The following MALRD1 variants were observed in gnomAD, a reference collection of about 807,000 sequenced individuals.
MALRD1 encodes the protein MAM and LDL-receptor class A domain-containing protein 1.
A neutral mutation model predicts 242.1 loss-of-function variants in MALRD1; 247 were observed. That is an observed-to-expected ratio of 1.02 (90% CI 0.92 to 1.13). The LOEUF is 1.13. Ranked by LOEUF, MALRD1 falls within the 50% of genes most tolerant of loss-of-function variation. The pLI is 0.00. For synonymous variants in MALRD1, 995 were observed against 866.6 expected (o/e 1.15, Z -2.60); for missense variants, 2,989 against 2,533.1 (o/e 1.18, Z -3.86).
chr10:19,630,001 A>G (rs1464233151), intron 36 of MALRD1, among the ~76,000 whole-genome samples: 6 of 152,204 alleles, frequency 3.9e-5, no homozygotes, highest in Non-Finnish European at 7.3e-5. Flanking sequence ...TGACAGATCT[A>G]AGTAGTTCAA....
intron 36 of MALRD1, among the ~76,000 whole-genome samples, chr10:19,675,482 G>A (rs142178497): frequency 3.0e-3 from 452 of 152,224 alleles, no homozygotes; most frequent in African/African-American, 1.0e-2. Flanking sequence ...CCAGACCAGC[G>A]GAGGCAGCAT....
At chr10:19,271,580 G>A (rs958341126) in intron 19 of MALRD1, among the ~76,000 whole-genome samples, 2 of 152,200 alleles carry the variant, frequency 1.3e-5, no homozygotes, top group African/African-American at 2.4e-5. Context: ...TGGCTAACAC[G>A]GTGAAACCCC....
rs974138832 is a variant in MALRD1, at chr10:19,123,556, T to A, written c.759T>A (p.Asp253Glu). Residue 253 changes from aspartate to glutamate, a missense_variant, in exon 6 of 40, where the codon GAT (aspartate) becomes GAA (glutamate). Asp to Glu is a conservative substitution (Grantham distance 45, BLOSUM62 2). Transcript: ENST00000454679. ...GGGAGCTATGCCATCCAGATACAGATCTCTGCAGATTTGATGCTACAGATG... is the reference window on the plus strand; with the variant it reads ...GGGAGCTATGCCATCCAGATACAGAACTCTGCAGATTTGATGCTACAGATG... ...AERELCHPDTDLCRFDATDEE... is the reference protein window; with the variant it reads ...AERELCHPDTELCRFDATDEE... The A allele has an allele frequency of 1.6e-6, 2 of 1,233,638 alleles. No individual in the cohort carries two copies. The highest frequency in any genetic ancestry group is 2.0e-6 in the Non-Finnish European group (2 of 988,018). 76.4% of individuals were successfully genotyped at this position (1,233,638 alleles called of 1,614,324 possible).
chr10:19,497,056 A>C (rs1293075803), intron 30 of MALRD1, among the ~76,000 whole-genome samples: 1 of 152,308 alleles, frequency 6.6e-6, no homozygotes, highest in South Asian at 2.1e-4. Context: ...AAAGCGGGAC[A>C]GGAGGTACAA....
chr10:19,547,813 T>TAC (rs1835296179), intron 32 of MALRD1, among the ~76,000 whole-genome samples: 1 of 16,498 alleles, frequency 6.1e-5, no homozygotes, highest in African/African-American at 2.0e-4. Flanking sequence ...TATATATATA[T>TAC]ATATATTTTT....
At chr10:19,198,832 T>C (rs941958770) in intron 14 of MALRD1, among the ~76,000 whole-genome samples, 2 of 152,228 alleles carry the variant, frequency 1.3e-5, no homozygotes, top group African/African-American at 4.8e-5. Flanking sequence ...AATAATTTTA[T>C]GGTACTTTTG....
intron 13 of MALRD1, among the ~76,000 whole-genome samples, chr10:19,172,071 A>G (rs1161614624): frequency 2.0e-5 from 2 of 99,338 alleles, no homozygotes; most frequent in Non-Finnish European, 4.1e-5. Context: ...TATGTGATAT[A>G]TATCATATAT....
In MALRD1 at chr10:19,446,758, C is replaced by G. The variant is rs183125873; in HGVS notation, c.4846-3549C>G. ...GAAAATAATTCTTCAATATCTCTAA[C>G]CATTTTTGTATTAGTGTCTATTTTT... is the stretch of plus-strand genomic sequence containing the variant. On this transcript the variant is annotated intron_variant, in intron 28 of 39. Coordinates refer to ENST00000454679, the MANE Select transcript of MALRD1 (RefSeq NM_001142308.3). 9.8e-4 allele frequency among the ~76,000 whole-genome samples: 149 copies of G among 152,136 alleles called. 1 individual carries two copies. The highest frequency in any genetic ancestry group is 1.7e-3 in the South Asian group (8 of 4,820).
At chr10:19,484,490 T>C (rs1349656202) in intron 29 of MALRD1, among the ~76,000 whole-genome samples, 3 of 152,178 alleles carry the variant, frequency 2.0e-5, no homozygotes, top group Non-Finnish European at 2.9e-5. Flanking sequence ...TAAGGAGTAT[T>C]ATTTGCAGAA....
intron 10 of MALRD1, among the ~76,000 whole-genome samples, chr10:19,140,652 G>A (rs929506796): frequency 2.6e-5 from 4 of 151,962 alleles, no homozygotes; most frequent in Non-Finnish European, 1.5e-5. Flanking sequence ...ACAATGATGA[G>A]CGTGGAGGGG....
intron 5 of MALRD1, among the ~76,000 whole-genome samples, chr10:19,108,664 G>T (rs555662147): frequency 3.7e-5 from 1 of 26,752 alleles, no homozygotes; most frequent in East Asian, 9.0e-4. Context: ...TGATCCACCC[G>T]CCTCGGCCTC....
intron 8 of MALRD1, among the ~76,000 whole-genome samples, chr10:19,130,381 C>G (rs541277816): frequency 6.6e-6 from 1 of 152,206 alleles, no homozygotes; most frequent in East Asian, 1.9e-4. Flanking sequence ...ATTTCCAACT[C>G]CTTCTTCAAT....
At chr10:19,662,663 T>C (rs1841497282) in intron 36 of MALRD1, among the ~76,000 whole-genome samples, 2 of 152,300 alleles carry the variant, frequency 1.3e-5, no homozygotes, top group Non-Finnish European at 2.9e-5. Context: ...TTTTTAAATT[T>C]TCAACTGCTC....
chr10:19,666,524 C>T (rs1214890771), intron 36 of MALRD1, among the ~76,000 whole-genome samples: 2 of 152,168 alleles, frequency 1.3e-5, no homozygotes, highest in East Asian at 3.8e-4. Context: ...CATAATTTTC[C>T]TCATCTTCCT....
At chr10:19,598,522 T>A (rs555007678) in intron 34 of MALRD1, 4 of 151,052 alleles carry the variant, frequency 2.6e-5, no homozygotes, top group African/African-American at 9.7e-5. Flanking sequence ...GGACATCAGG[T>A]CAGCTCATGT....
At chr10:19,689,711 A>G (rs942883916) in intron 36 of MALRD1, among the ~76,000 whole-genome samples, 1 of 152,172 alleles carries the variant, frequency 6.6e-6, no homozygotes, top group Non-Finnish European at 1.5e-5. Flanking sequence ...GTTTCTTCTC[A>G]AAGTTATCCA....
In MALRD1 at chr10:19,136,617, C is replaced by A. The variant is rs1192820910; in HGVS notation, c.1247C>A (p.Ala416Asp). 1 of 1,231,478 alleles carries A rather than the reference C, an allele frequency of 8.1e-7. No individual in the cohort carries two copies. Among genetic ancestry groups the A allele is most frequent in the Non-Finnish European group, 1.0e-6 (1 of 987,934 alleles). 76.3% of individuals were successfully genotyped at this position (1,231,478 alleles called of 1,614,324 possible). A position where few individuals can be genotyped will look rare whatever the true frequency, so the allele number is the denominator to read the frequency against. ...CTTTTGAGCCAGAGAAGTTTTATTG[C>A]CCTTGATCACCTCTGGGTCTATGCC... ...GTLLSQRSFI[A>D]LDHLWVYACG... The change falls in exon 10 of 40, where the codon GCC becomes GAC. Residue 416 changes from alanine to aspartate, a missense_variant. Coordinates refer to ENST00000454679, the MANE Select transcript of MALRD1 (RefSeq NM_001142308.3).
chr10:19,067,656 G>A (rs1287746046), intron 2 of MALRD1, among the ~76,000 whole-genome samples: 2 of 152,000 alleles, frequency 1.3e-5, no homozygotes, highest in Admixed American at 6.6e-5. Flanking sequence ...TAGACTCCCT[G>A]GTCTGTCCCT....
chr10:19,154,021 CA>C (rs1466093918), intron 11 of MALRD1, among the ~76,000 whole-genome samples: 2 of 152,088 alleles, frequency 1.3e-5, no homozygotes, highest in African/African-American at 4.8e-5. Flanking sequence ...AAGAATTTTT[CA>C]AAATCACCTT....
Sources: gnomAD v4.1 joint callset for allele counts (sites outside exome capture counted in the v4.1 genomes callset) on GRCh38, gnomAD v4.1.1 for gene constraint, MANE v1.5 for transcripts, NCBI Gene and HGNC (gene_info 2026-07-23, HGNC 2026-07-21) for gene names.